Variants in PPFIA2 observed in about 807,000 individuals in gnomAD.
PPFIA2 encodes liprin-alpha-2.
PPFIA2 carries 46 observed loss-of-function variants against 175.5 expected under a neutral mutation model. The observed-to-expected ratio is 0.26, with a 90% CI of 0.21 to 0.34. The LOEUF (loss-of-function observed/expected upper bound fraction) is 0.34, where lower values mean the gene tolerates loss of function less well. PPFIA2 is among the 10% of genes least tolerant of loss of function. PPFIA2 has a pLI of 1.00. For synonymous variants in PPFIA2, 568 were observed against 511.4 expected, an observed-to-expected ratio of 1.11 and a Z score of -1.49; for missense variants, 1,179 against 1,506.1, an observed-to-expected ratio of 0.78 and a Z score of 3.60.
intron 4 of PPFIA2, among the ~76,000 whole-genome samples, chr12:81,559,813 T>TTTTG (rs1555486016): frequency 2.6e-5 from 4 of 151,820 alleles, no homozygotes; most frequent in African/African-American, 9.7e-5. Context: ...TGTTTTTTTT[T>TTTTG]TTGTTGTTGT....
intron 8 of PPFIA2, among the ~76,000 whole-genome samples, chr12:81,390,393 A>G (rs1286788931): frequency 5.3e-5 from 8 of 152,040 alleles, no homozygotes; most frequent in Admixed American, 5.3e-4. Flanking sequence ...CATTCCTACC[A>G]GCAATGTATG....
intron 16 of PPFIA2, among the ~76,000 whole-genome samples, chr12:81,356,133 G>T (rs1020403582): frequency 6.6e-6 from 1 of 152,106 alleles, no homozygotes; most frequent in African/African-American, 2.4e-5. Flanking sequence ...CTATTGTAGG[G>T]TTATTAATTG....
intron 6 of PPFIA2, among the ~76,000 whole-genome samples, chr12:81,445,211 G>C (rs983080655): frequency 2.2e-5 from 3 of 135,612 alleles, no homozygotes; most frequent in Non-Finnish European, 4.7e-5. Flanking sequence ...CAAGGTGGGG[G>C]GGGGGGAGGG....
At chr12:81,692,001 T>G (rs2075298575) in intron 3 of PPFIA2, among the ~76,000 whole-genome samples, 1 of 151,868 alleles carries the variant, frequency 6.6e-6, no homozygotes, top group Non-Finnish European at 1.5e-5. Context: ...AAAAATATGG[T>G]TAAGTGTTGG....
chr12:81,687,222 C>T (rs1419083082), intron 3 of PPFIA2, among the ~76,000 whole-genome samples: 1 of 152,022 alleles, frequency 6.6e-6, no homozygotes, highest in Non-Finnish European at 1.5e-5. Context: ...ATAATCAAAC[C>T]TCTGTACATG....
chr12:81,380,045 A>T (rs1013196957), intron 9 of PPFIA2, among the ~76,000 whole-genome samples: 13 of 152,188 alleles, frequency 8.5e-5, no homozygotes, highest in African/African-American at 3.1e-4. Context: ...ATGCTATAGG[A>T]GTATCAAGAA....
At chr12:81,440,113 T>A in intron 6 of PPFIA2, 67 bp from the exon 7 acceptor site, 1 of 1,164,148 alleles carries the variant, frequency 8.6e-7, no homozygotes, top group Non-Finnish European at 1.2e-6. Flanking sequence ...GCTGAATCCA[T>A]AATTAACATC....
At chr12:81,586,866 T>C (rs2075372418) in intron 4 of PPFIA2, among the ~76,000 whole-genome samples, 1 of 151,960 alleles carries the variant, frequency 6.6e-6, no homozygotes, top group South Asian at 2.1e-4. Flanking sequence ...ATTTGTAATC[T>C]TGAAATAAAT....
At chr12:81,525,261 T>A (rs143506358) in intron 4 of PPFIA2, among the ~76,000 whole-genome samples, 1,947 of 152,322 alleles carry the variant, frequency 0.013, 21 homozygotes, top group Non-Finnish European at 0.021. Flanking sequence ...TTCCCTCTTA[T>A]GTTACAGAAC....
intron 21 of PPFIA2, among the ~76,000 whole-genome samples, chr12:81,331,112 T>C (rs1022376091): frequency 4.6e-5 from 7 of 152,214 alleles, no homozygotes; most frequent in African/African-American, 1.7e-4. Context: ...AAAAATACAG[T>C]CATGCGCCAC....
chr12:81,330,049 T>C (rs2055776113), intron 21 of PPFIA2, among the ~76,000 whole-genome samples: 1 of 152,102 alleles, frequency 6.6e-6, no homozygotes, highest in African/African-American at 2.4e-5. Flanking sequence ...ATGGAACTAG[T>C]TGGAGGTATC....
chr12:81,591,287 G>A (rs2058646994), intron 4 of PPFIA2, among the ~76,000 whole-genome samples: 1 of 152,158 alleles, frequency 6.6e-6, no homozygotes, highest in Non-Finnish European at 1.5e-5. Flanking sequence ...GAGGTGACTT[G>A]GGTGTTGTTA....
intron 3 of PPFIA2, among the ~76,000 whole-genome samples, chr12:81,704,183 TTAAA>T (rs1435949825): frequency 3.3e-5 from 5 of 152,244 alleles, no homozygotes; most frequent in Admixed American, 6.5e-5. Flanking sequence ...CAATGTACAC[TTAAA>T]TAGTGAAGTA....
chr12:81,332,978 T>C (rs1321125162), intron 21 of PPFIA2, among the ~76,000 whole-genome samples: 2 of 152,154 alleles, frequency 1.3e-5, no homozygotes, highest in Non-Finnish European at 2.9e-5. Context: ...GTGTTTTAGT[T>C]GTATAAAGAA....
chr12:81,692,544 A>C (rs2075378382), intron 3 of PPFIA2, among the ~76,000 whole-genome samples: 1 of 152,156 alleles, frequency 6.6e-6, no homozygotes, highest in South Asian at 2.1e-4. Context: ...TAAAATAAAA[A>C]TATTTTACAG....
At position 81,369,194 on chromosome 12, in the gene PPFIA2, C is replaced by T; in HGVS notation, c.1267G>A (p.Ala423Thr). 1 of 1,606,680 alleles carries T rather than the reference C, an allele frequency of 6.2e-7. No homozygotes were observed. Among genetic ancestry groups the T allele is most frequent in the Non-Finnish European group, 8.5e-7 (1 of 1,175,588 alleles). ...TCAATATTTCCATGTCTCTCTTCAGCCTGTTAAGAAATATGAAGAATACAC... is the reference window on the plus strand; with the variant it reads ...TCAATATTTCCATGTCTCTCTTCAGTCTGTTAAGAAATATGAAGAATACAC... ...LAQRIAALTKAEERHGNIEER... is the reference protein window; with the variant it reads ...LAQRIAALTKTEERHGNIEER... The change falls in exon 12 of 33, where the codon GCT becomes ACT. Residue 423 changes from alanine (A) to threonine (T), a missense_variant and splice_region_variant. Physicochemically the swap from Ala to Thr is moderately conservative, Grantham distance 58. Around this residue, in one of 10 missense-constraint regions of PPFIA2, gnomAD observed 66 missense variants for 129.4 expected, o/e 0.51. Coordinates refer to ENST00000549396, the MANE Select transcript of PPFIA2 (RefSeq NM_003625.5).
At chr12:81,509,637 T>G (rs2061560990) in intron 4 of PPFIA2, among the ~76,000 whole-genome samples, 1 of 151,758 alleles carries the variant, frequency 6.6e-6, no homozygotes, top group East Asian at 1.9e-4. Context: ...CCTGACTTCC[T>G]CTGTGGACTC....
chr12:81,666,382 C>T (rs1388144955), intron 4 of PPFIA2, among the ~76,000 whole-genome samples: 3 of 152,124 alleles, frequency 2.0e-5, no homozygotes, highest in Non-Finnish European at 4.4e-5. Flanking sequence ...CAATGATAGA[C>T]TGGATTAAGA....
At chr12:81,290,700 G>C (rs936034247) in intron 24 of PPFIA2, among the ~76,000 whole-genome samples, 1 of 151,660 alleles carries the variant, frequency 6.6e-6, no homozygotes, top group African/African-American at 2.4e-5. Context: ...ATTAAGCAAG[G>C]AGATAACCAA....
Sources: gnomAD v4.1 joint callset for allele counts (sites outside exome capture counted in the v4.1 genomes callset) on GRCh38, gnomAD v4.1.1 for gene constraint, gnomAD v4.1.1 regional missense constraint, MANE v1.5 for transcripts, NCBI Gene and HGNC (gene_info 2026-07-23, HGNC 2026-07-21) for gene names.